Variants in DCAF8L2 observed in about 807,000 individuals in gnomAD.
The protein encoded by DCAF8L2 is DDB1 and CUL4 associated factor 8 like 2.
For synonymous variants in DCAF8L2, 200 were observed against 190.9 expected (o/e 1.05, Z -0.39); for missense variants, 430 against 490.7 (o/e 0.88, Z 1.17).
At chrX:27,536,294 C>T in the DCAF8L2 span, among the ~76,000 whole-genome samples, 11 of 112,651 alleles carry the variant, frequency 9.8e-5, no homozygotes, top group African/African-American at 3.5e-4. Context: ...TGGCCCTTGG[C>T]CAGGACTGTT....
chrX:27,530,104 G>T, the DCAF8L2 span, among the ~76,000 whole-genome samples: 1 of 111,472 alleles, frequency 9.0e-6, no homozygotes, highest in African/African-American at 3.3e-5. Flanking sequence ...AAAGAAAGCA[G>T]TTTGAAAATA....
At chrX:27,698,758 G>A (rs1010456945) in intron 3 of DCAF8L2, among the ~76,000 whole-genome samples, 2 of 112,024 alleles carry the variant, frequency 1.8e-5, no homozygotes, top group Non-Finnish European at 3.8e-5. Flanking sequence ...TCTGCTTTAT[G>A]TCTAGGAAAA....
intron 2 of DCAF8L2, chrX:27,633,314 A>T (rs1301858637): frequency 8.9e-6 from 1 of 112,454 alleles, no homozygotes; most frequent in Non-Finnish European, 1.9e-5. Context: ...TCCATCTTTA[A>T]TTTTAATACT....
intron 3 of DCAF8L2, among the ~76,000 whole-genome samples, chrX:27,691,604 A>G (rs1457844106): frequency 8.9e-6 from 1 of 111,741 alleles, no homozygotes; most frequent in Non-Finnish European, 1.9e-5. Flanking sequence ...TATTATGAAG[A>G]TATTGAGTGA....
chrX:27,726,983 T>C (rs1932092735), intron 4 of DCAF8L2, among the ~76,000 whole-genome samples: 1 of 111,966 alleles, frequency 8.9e-6, no homozygotes, highest in East Asian at 2.8e-4. Context: ...TAATAGATAC[T>C]GCCAAGCAAT....
At chrX:27,502,335 A>AAAAAAAAAAAAATATAT in the DCAF8L2 span, among the ~76,000 whole-genome samples, 3 of 12,714 alleles carry the variant, frequency 2.4e-4, no homozygotes, top group Non-Finnish European at 3.0e-4. Context: ...AAAAAAAAAA[A>AAAAAAAAAAAAATATAT]ATATATATAT....
At chrX:27,630,380 A>G (rs757695748) in intron 1 of DCAF8L2, among the ~76,000 whole-genome samples, 9 of 111,859 alleles carry the variant, frequency 8.0e-5, no homozygotes, top group African/African-American at 2.9e-4. Flanking sequence ...AACAATCAAA[A>G]GCCTCTGAAA....
chrX:27,481,781 T>C, the DCAF8L2 span, among the ~76,000 whole-genome samples: 1 of 111,997 alleles, frequency 8.9e-6, no homozygotes, highest in Non-Finnish European at 1.9e-5. Context: ...AAAAAGTTCA[T>C]TTTGGATCTA....
chrX:27,546,457 C>T, the DCAF8L2 span, among the ~76,000 whole-genome samples: 1 of 111,977 alleles, frequency 8.9e-6, no homozygotes, highest in Non-Finnish European at 1.9e-5. Flanking sequence ...CTTACAACTT[C>T]ACTAGGCAGT....
chrX:27,587,985 A>AAAAAAAATATATATATATATATAT, upstream of DCAF8L2, among the ~76,000 whole-genome samples: 2 of 22,365 alleles, frequency 8.9e-5, no homozygotes, highest in African/African-American at 2.0e-4. Context: ...TAAAAAAAAA[A>AAAAAAAATATATATATATATATAT]ATATATATAT....
At position 27,669,940 on chromosome X, in the gene DCAF8L2, G is replaced by A. The variant is rs111743293; in HGVS notation, c.-219-7896G>A. 4.4e-3 allele frequency among the ~76,000 whole-genome samples: 487 copies of A among 111,539 alleles called. 1 individual carries two copies. Among genetic ancestry groups the A allele is most frequent in the African/African-American group, 0.015 (452 of 30,711 alleles). On this transcript the variant is annotated intron_variant, in intron 2 of 4. Coordinates refer to ENST00000451261, the MANE Select transcript of DCAF8L2 (RefSeq NM_001353450.2). ...ATAGTGCTGCAATAAACATACGTGT[G>A]CATGTGTCTTTATAGCAGCATGATT... is the stretch of plus-strand genomic sequence containing the variant.
At chrX:27,709,321 C>A (rs1003995526) in intron 3 of DCAF8L2, among the ~76,000 whole-genome samples, 1 of 112,510 alleles carries the variant, frequency 8.9e-6, no homozygotes, top group Non-Finnish European at 1.9e-5. Context: ...TTGTATTTTC[C>A]GTACATTTTG....
intron 2 of DCAF8L2, among the ~76,000 whole-genome samples, chrX:27,642,335 C>T (rs937716050): frequency 9.0e-6 from 1 of 111,248 alleles, no homozygotes; most frequent in Non-Finnish European, 1.9e-5. Context: ...AGTCAACATC[C>T]TTCTGACAAG....
At chrX:27,537,228 G>A in the DCAF8L2 span, among the ~76,000 whole-genome samples, 1 of 111,807 alleles carries the variant, frequency 8.9e-6, no homozygotes, top group Middle Eastern at 4.7e-3. Flanking sequence ...GAAAGGGTAG[G>A]GCACATATGA....
At chrX:27,497,793 T>C in the DCAF8L2 span, among the ~76,000 whole-genome samples, 2 of 111,365 alleles carry the variant, frequency 1.8e-5, no homozygotes, top group African/African-American at 6.5e-5. Context: ...GGCCTCAAAC[T>C]CCTGACCTCG....
chrX:27,549,033 T>A, the DCAF8L2 span, among the ~76,000 whole-genome samples: 1 of 111,767 alleles, frequency 8.9e-6, no homozygotes, highest in Non-Finnish European at 1.9e-5. Context: ...TAGCTCCACA[T>A]TTGCAGTATA....
At chrX:27,664,408 A>C (rs1159207082) in intron 2 of DCAF8L2, among the ~76,000 whole-genome samples, 1 of 111,851 alleles carries the variant, frequency 8.9e-6, no homozygotes, top group Non-Finnish European at 1.9e-5. Context: ...GATCAACTTG[A>C]AGAAGAAAAG....
chrX:27,749,168 A>G lies in DCAF8L2; in HGVS notation c.*377A>G, dbSNP rs2147357767. Among the ~76,000 whole-genome samples, 1 of 112,153 alleles carries G rather than the reference A, an allele frequency of 8.9e-6. No homozygotes were observed. Among genetic ancestry groups the G allele is most frequent in the East Asian group, 2.8e-4 (1 of 3,541 alleles). ...CATCTACTCAAATCTGACAGTCTGA[A>G]AACGGTTACCTTTTTACTTTTTTTC... is the stretch of plus-strand genomic sequence containing the variant. On this transcript the variant is annotated 3_prime_UTR_variant, in exon 5 of 5. Coordinates refer to ENST00000451261, the MANE Select transcript of DCAF8L2 (RefSeq NM_001353450.2).
At chrX:27,673,701 GTATA>G (rs751027213) in intron 2 of DCAF8L2, among the ~76,000 whole-genome samples, 1 of 105,677 alleles carries the variant, frequency 9.5e-6, no homozygotes, top group Non-Finnish European at 1.9e-5. Flanking sequence ...GTGGTTGTGT[GTATA>G]TATATATATA....
Sources: gnomAD v4.1 joint callset for allele counts (sites outside exome capture counted in the v4.1 genomes callset) on GRCh38, gnomAD v4.1.1 for gene constraint, MANE v1.5 for transcripts, NCBI Gene and HGNC (gene_info 2026-07-23, HGNC 2026-07-21) for gene names.